GRM7: variants seen among roughly 807,000 people sequenced by gnomAD.
The protein encoded by GRM7 is glutamate metabotropic receptor 7.
GRM7 carries 35 observed loss-of-function variants against 84.5 expected under a neutral mutation model. The observed-to-expected ratio is 0.41, with a 90% confidence interval of 0.32 to 0.55. GRM7 has a LOEUF of 0.55. GRM7 is among the 20% of genes least tolerant of loss of function. The probability of loss-of-function intolerance (pLI) is 0.19; values close to 1 mark genes in which losing one functional copy is unlikely to be tolerated. For synonymous variants in GRM7, 487 were observed against 455.1 expected (o/e 1.07, Z -0.89); for missense variants, 1,003 against 1,194.6 (o/e 0.84, Z 2.36).
intron 1 of GRM7, among the ~76,000 whole-genome samples, chr3:7,034,169 C>G (rs1481179178): frequency 1.3e-5 from 2 of 152,108 alleles, no homozygotes; most frequent in Non-Finnish European, 2.9e-5. Flanking sequence ...TGAATGATCT[C>G]ATTCCATCAT....
intron 7 of GRM7, among the ~76,000 whole-genome samples, chr3:7,567,198 A>C (rs578121158): frequency 4.6e-5 from 7 of 152,314 alleles, no homozygotes; most frequent in Middle Eastern, 6.8e-3. Flanking sequence ...TATGAAACTT[A>C]AGCCTAGAGA....
At chr3:7,318,840 C>G (rs1160879499) in intron 4 of GRM7, among the ~76,000 whole-genome samples, 7 of 152,004 alleles carry the variant, frequency 4.6e-5, no homozygotes, top group Non-Finnish European at 8.8e-5. Context: ...TGTAATTTGT[C>G]TGAGAAAATT....
At chr3:7,491,898 T>C (rs1298883972) in intron 7 of GRM7, among the ~76,000 whole-genome samples, 1 of 152,156 alleles carries the variant, frequency 6.6e-6, no homozygotes. Context: ...CATGCCCTTT[T>C]CCAGCAAGTC....
intron 2 of GRM7, among the ~76,000 whole-genome samples, chr3:7,267,503 A>G (rs1459951370): frequency 6.6e-6 from 1 of 152,218 alleles, no homozygotes; most frequent in Non-Finnish European, 1.5e-5. Context: ...TTGGAGACTC[A>G]GGGAAAGAAT....
intron 4 of GRM7, among the ~76,000 whole-genome samples, chr3:7,330,611 T>C (rs544313994): frequency 6.6e-6 from 1 of 152,314 alleles, no homozygotes; most frequent in East Asian, 1.9e-4. Context: ...GAAGATCTGA[T>C]GGCTTTATAA....
At chr3:7,161,925 G>A (rs1351911215) in intron 2 of GRM7, among the ~76,000 whole-genome samples, 1 of 152,170 alleles carries the variant, frequency 6.6e-6, no homozygotes, top group South Asian at 2.1e-4. Context: ...TAGAAACAGG[G>A]CGAATGGAGC....
chr3:7,062,264 G>A (rs1323202293), intron 1 of GRM7, among the ~76,000 whole-genome samples: 1 of 151,528 alleles, frequency 6.6e-6, no homozygotes, highest in Non-Finnish European at 1.5e-5. Context: ...TGAATGGAAC[G>A]GATAAAGCAT....
At chr3:6,969,515 C>T (rs1037003912) in intron 1 of GRM7, among the ~76,000 whole-genome samples, 1 of 152,170 alleles carries the variant, frequency 6.6e-6, no homozygotes, top group Non-Finnish European at 1.5e-5. Context: ...TGTGCCCCCA[C>T]TGTGGCTCCT....
At chr3:7,338,142 A>ACACACC (rs749231377) in intron 4 of GRM7, among the ~76,000 whole-genome samples, 1 of 148,772 alleles carries the variant, frequency 6.7e-6, no homozygotes. Flanking sequence ...ACACACACAC[A>ACACACC]CCCCATGGAA....
Position 7,578,892 on chromosome 3 carries a change from G to A in GRM7, c.1986G>A (p.Leu662=). Reference sequence around the variant, plus strand: ...TGTGTTCTTTCCGGCGAGTTTTCTTGGGCTTGGGTATGTGCATCAGTTATG... The same window carrying A: ...TGTGTTCTTTCCGGCGAGTTTTCTTAGGCTTGGGTATGTGCATCAGTTATG... The part of the protein sequence containing the change: ...VAVCSFRRVF[L]GLGMCISYAA... Residue 662 remains leucine (L), a synonymous_variant, in exon 8 of 10, where the codon TTG becomes TTA. Transcript: ENST00000357716. The A allele has an allele frequency of 6.2e-7, 1 of 1,614,130 alleles. No individual in the cohort carries two copies. The highest frequency in any genetic ancestry group is 8.5e-7 in the Non-Finnish European group (1 of 1,180,026).
intron 1 of GRM7, among the ~76,000 whole-genome samples, chr3:7,109,879 A>T (rs768483811): frequency 2.4e-4 from 36 of 152,108 alleles, no homozygotes; most frequent in Admixed American, 3.9e-4. Context: ...TCTGCCATAA[A>T]TCCAATCTTC....
intron 2 of GRM7, among the ~76,000 whole-genome samples, chr3:7,242,043 A>G (rs1249469669): frequency 1.3e-5 from 2 of 152,192 alleles, no homozygotes; most frequent in African/African-American, 2.4e-5. Flanking sequence ...ATCTCTGAGG[A>G]AACTGAACAG....
chr3:7,610,679 G>C (rs1696809376), intron 8 of GRM7, among the ~76,000 whole-genome samples: 1 of 152,120 alleles, frequency 6.6e-6, no homozygotes, highest in South Asian at 2.1e-4. Flanking sequence ...GAAGCATCTT[G>C]GGATTTTGTT....
intron 8 of GRM7, among the ~76,000 whole-genome samples, chr3:7,671,401 C>A (rs1452058773): frequency 2.0e-5 from 3 of 152,056 alleles, no homozygotes; most frequent in African/African-American, 7.2e-5. Context: ...GAGAGCACAG[C>A]ACTGAGATGC....
At chr3:7,308,183 G>A (rs1209314365) in intron 4 of GRM7, among the ~76,000 whole-genome samples, 2 of 152,098 alleles carry the variant, frequency 1.3e-5, no homozygotes, top group Non-Finnish European at 2.9e-5. Flanking sequence ...CAAGACACTG[G>A]GGAGACCCTT....
intron 4 of GRM7, among the ~76,000 whole-genome samples, chr3:7,341,789 A>G (rs796574649): frequency 1.4e-4 from 22 of 152,214 alleles, no homozygotes; most frequent in African/African-American, 5.3e-4. Context: ...CCCCACATTA[A>G]AGAACCTAAA....
chr3:6,887,221 C>T (rs999688649), intron 1 of GRM7, among the ~76,000 whole-genome samples: 1 of 150,930 alleles, frequency 6.6e-6, no homozygotes, highest in Non-Finnish European at 1.5e-5. Flanking sequence ...AGTTTAAAGT[C>T]TTTTTATTTT....
intron 2 of GRM7, among the ~76,000 whole-genome samples, chr3:7,207,829 T>A (rs1303939821): frequency 6.6e-6 from 1 of 152,232 alleles, no homozygotes; most frequent in East Asian, 1.9e-4. Flanking sequence ...CATACTGGTT[T>A]TGCTACATCT....
At chr3:7,519,139 T>C (rs1700498105) in intron 7 of GRM7, among the ~76,000 whole-genome samples, 2 of 152,192 alleles carry the variant, frequency 1.3e-5, no homozygotes, top group Non-Finnish European at 2.9e-5. Flanking sequence ...ATATATTTAC[T>C]GCTCTTTTTG....
Sources: gnomAD v4.1 joint callset for allele counts (sites outside exome capture counted in the v4.1 genomes callset) on GRCh38, gnomAD v4.1.1 for gene constraint, MANE v1.5 for transcripts, NCBI Gene and HGNC (gene_info 2026-07-23, HGNC 2026-07-21) for gene names.